The following MUSK variants were observed in gnomAD, a reference collection of about 807,000 sequenced individuals.
The protein encoded by MUSK is muscle associated receptor tyrosine kinase.
In MUSK, 55 loss-of-function variants were observed where a neutral mutation model predicts 88.7. The ratio of observed to expected loss-of-function variants is 0.62; its 90% CI spans 0.50 to 0.78. The LOEUF is 0.78. Among genes scored for constraint, MUSK ranks in the 30% least tolerant of loss-of-function variants. MUSK has a pLI of 0.00. For synonymous variants in MUSK, 387 were observed against 391.9 expected, an observed-to-expected ratio of 0.99 and a Z score of 0.15; for missense variants, 1,015 against 1,074.3, an observed-to-expected ratio of 0.94 and a Z score of 0.77.
intron 8 of MUSK, among the ~76,000 whole-genome samples, chr9:110,762,935 T>C (rs2077422978): frequency 6.6e-6 from 1 of 152,192 alleles, no homozygotes; most frequent in Admixed American, 6.5e-5. Context: ...TAACAATGTA[T>C]TGTATTCTTG....
At chr9:110,773,157 G>A (rs1057181194) in intron 9 of MUSK, among the ~76,000 whole-genome samples, 1 of 151,982 alleles carries the variant, frequency 6.6e-6, no homozygotes, top group Non-Finnish European at 1.5e-5. Flanking sequence ...GAGCATTTGG[G>A]ATATATTAAT....
chr9:110,747,683 A>G lies in MUSK; in HGVS notation c.796A>G (p.Ile266Val). The G allele has an allele frequency of 3.7e-6, 6 of 1,613,820 alleles. No homozygotes were observed. Among genetic ancestry groups the G allele is most frequent in the Non-Finnish European group, 5.1e-6 (6 of 1,179,766 alleles). The change falls in exon 7 of 15, where the codon ATT becomes GTT. Residue 266 changes from isoleucine to valine, a missense_variant. Physicochemically the swap from Ile to Val is conservative, Grantham distance 29. Transcript: ENST00000374448. The part of the protein sequence containing the change: ...SIQESVKDRV[I>V]DSRLQLFITK... Reference sequence around the variant, plus strand: ...TCAAGAGAGTGTGAAAGACCGAGTGATTGACTCAAGACTGCAGCTGTTTAT... The same window carrying G: ...TCAAGAGAGTGTGAAAGACCGAGTGGTTGACTCAAGACTGCAGCTGTTTAT...
intron 1 of MUSK, among the ~76,000 whole-genome samples, chr9:110,676,343 C>CATATTATATATTATATATT (rs1554731519): frequency 8.9e-6 from 1 of 112,760 alleles, no homozygotes; most frequent in African/African-American, 2.9e-5. Context: ...CATACACACA[C>CATATTATATATTATATATT]ATATATTATA....
intron 5 of MUSK, among the ~76,000 whole-genome samples, chr9:110,710,014 A>C (rs2076648206): frequency 6.6e-6 from 1 of 152,166 alleles, no homozygotes. Flanking sequence ...ATTTAAAAAA[A>C]ATAAATTTGA....
chr9:110,686,892 T>C (rs1310971264), intron 2 of MUSK, among the ~76,000 whole-genome samples: 1 of 152,150 alleles, frequency 6.6e-6, no homozygotes, highest in African/African-American at 2.4e-5. Context: ...TTGAAAGCAT[T>C]TTTGAAGGAC....
At chr9:110,739,675 G>C (rs530080563) in intron 6 of MUSK, among the ~76,000 whole-genome samples, 2 of 152,084 alleles carry the variant, frequency 1.3e-5, no homozygotes, top group Non-Finnish European at 2.9e-5. Flanking sequence ...TGAGCACCTC[G>C]AGCCCATTGA....
intron 6 of MUSK, among the ~76,000 whole-genome samples, chr9:110,742,550 CTT>C (rs974775387): frequency 6.6e-6 from 1 of 152,124 alleles, no homozygotes; most frequent in African/African-American, 2.4e-5. Context: ...AAGGTATATA[CTT>C]TTTAAATTTC....
In MUSK at chr9:110,732,307, A is replaced by T. The variant is rs570319509; in HGVS notation, c.629-1944A>T. Among the ~76,000 whole-genome samples the T allele has an allele frequency of 3.3e-5, 5 of 152,192 alleles. 1 individual carries two copies. Among genetic ancestry groups the T allele is most frequent in the South Asian group, 2.1e-4 (1 of 4,826 alleles). ...AACCCCTACAAGAGTTATTTTAGCCAGATGATGCACATGGACTCTAAGTCT... is the reference window on the plus strand; with the variant it reads ...AACCCCTACAAGAGTTATTTTAGCCTGATGATGCACATGGACTCTAAGTCT... On this transcript the variant is annotated intron_variant, in intron 5 of 14. Transcript: ENST00000374448.
chr9:110,669,795 C>CT (rs1176955721), intron 1 of MUSK, among the ~76,000 whole-genome samples: 2 of 152,104 alleles, frequency 1.3e-5, no homozygotes, highest in African/African-American at 4.8e-5. Context: ...TCACTGAAAT[C>CT]TTTTTTTAAA....
chr9:110,752,992 A>C (rs2077266527), intron 7 of MUSK, among the ~76,000 whole-genome samples: 1 of 152,170 alleles, frequency 6.6e-6, no homozygotes, highest in African/African-American at 2.4e-5. Context: ...TAAACTTGCC[A>C]GGATGCTGGG....
rs2076054396 is a variant in MUSK, at chr9:110,678,089, C to G, written c.80-4585C>G. On this transcript the variant is annotated intron_variant, in intron 1 of 14. Transcript: ENST00000374448. ...TCCAAAGATTGATTTGAGAAGCTTT[C>G]TATACTTTATATTCCCTATAGCTTT... 2.6e-5 allele frequency among the ~76,000 whole-genome samples: 4 copies of G among 152,098 alleles called. No homozygotes were observed. In the South Asian group the frequency reaches 8.3e-4, roughly 32 times the overall value.
At chr9:110,765,917 G>A (rs1198640810) in intron 8 of MUSK, among the ~76,000 whole-genome samples, 1 of 152,150 alleles carries the variant, frequency 6.6e-6, no homozygotes, top group African/African-American at 2.4e-5. Context: ...AGTATGAACA[G>A]CTGTGTAGAA....
intron 6 of MUSK, among the ~76,000 whole-genome samples, chr9:110,740,989 G>T (rs2077090039): frequency 6.6e-6 from 1 of 152,176 alleles, no homozygotes; most frequent in South Asian, 2.1e-4. Flanking sequence ...GGGATGGGAG[G>T]ATGGGGAGAT....
chr9:110,750,611 GCTCCTTCAGTA>G (rs1179755553), intron 7 of MUSK, among the ~76,000 whole-genome samples: 3 of 152,086 alleles, frequency 2.0e-5, no homozygotes, highest in Non-Finnish European at 4.4e-5. Context: ...TTCCAACTCA[GCTCCTTCAGTA>G]CTCCTCACAG....
chr9:110,671,575 T>A (rs2075957201), intron 1 of MUSK, among the ~76,000 whole-genome samples: 1 of 152,214 alleles, frequency 6.6e-6, no homozygotes, highest in Admixed American at 6.5e-5. Flanking sequence ...GTTTTCATTT[T>A]AGTTTAATTA....
At position 110,694,385 on chromosome 9, in the gene MUSK, CAA is replaced by C. The variant is rs796590211; in HGVS notation, c.359-998_359-997del. On this transcript the variant is annotated intron_variant, in intron 3 of 14. Transcript: ENST00000374448. ...TGGGCGACAGAGCGAGACTCCGTCT[CAA>C]AAAAAAAAAAAAAAAAAAACAAAAA... Among the ~76,000 whole-genome samples the C allele has an allele frequency of 2.6e-3, 134 of 51,766 alleles. 1 individual carries two copies. The highest frequency in any genetic ancestry group is 3.9e-3 in the Non-Finnish European group (108 of 27,592). The allele number at this position is 51,766 out of a possible 152,430, so 34.0% of individuals were successfully genotyped here.
At chr9:110,741,521 A>G (rs887418592) in intron 6 of MUSK, among the ~76,000 whole-genome samples, 1 of 152,100 alleles carries the variant, frequency 6.6e-6, no homozygotes, top group Non-Finnish European at 1.5e-5. Flanking sequence ...TTTTAGTTGG[A>G]TGTTGTAAAA....
At chr9:110,719,996 G>A (rs1422747895) in intron 5 of MUSK, among the ~76,000 whole-genome samples, 1 of 151,998 alleles carries the variant, frequency 6.6e-6, no homozygotes, top group African/African-American at 2.4e-5. Flanking sequence ...ATGATTGTTG[G>A]GTCAACAATG....
At chr9:110,706,140 TC>T in intron 5 of MUSK, 2 of 525,944 alleles carry the variant, frequency 3.8e-6, no homozygotes, top group Non-Finnish European at 7.8e-6. Context: ...TCCTTAGCTG[TC>T]CCCAAATATG....
Sources: allele counts gnomAD v4.1 joint callset (sites outside exome capture counted in the v4.1 genomes callset), GRCh38; gene constraint gnomAD v4.1.1; transcripts MANE v1.5; gene names NCBI Gene and HGNC (gene_info 2026-07-23, HGNC 2026-07-21).